Variants in KCNH5 observed in about 807,000 individuals in gnomAD.
KCNH5 encodes the protein potassium voltage-gated channel subfamily H member 5.
KCNH5 carries 46 observed loss-of-function variants against 96.1 expected under a neutral mutation model. The observed-to-expected ratio is 0.48, with a 90% CI of 0.38 to 0.61. KCNH5 has a LOEUF of 0.61. KCNH5 is among the 20% of genes least tolerant of loss of function. KCNH5 has a pLI of 0.00. For synonymous variants in KCNH5, 439 were observed against 449.8 expected (o/e 0.98, Z 0.30); for missense variants, 907 against 1,225.8 (o/e 0.74, Z 3.88).
intron 7 of KCNH5, among the ~76,000 whole-genome samples, chr14:62,892,338 G>C (rs1315318371): frequency 6.6e-6 from 1 of 152,298 alleles, no homozygotes; most frequent in Non-Finnish European, 1.5e-5. Flanking sequence ...CCAGAGCAAG[G>C]CTCTAACTCT....
At position 63,010,934 on chromosome 14, in the gene KCNH5, CAACA is replaced by C. The variant is rs1322104509; in HGVS notation, c.198-4466_198-4463del. The stretch of plus-strand genomic sequence containing the variant: ...GCAACGGTGTGTCTAGACTAAAATG[CAACA>C]AACATTCAGTCACCATAATACAGGG... On this transcript the variant is annotated intron_variant, in intron 2 of 10. Transcript: ENST00000322893. 4.6e-5 allele frequency among the ~76,000 whole-genome samples: 7 copies of C among 152,290 alleles called. No homozygotes were observed. The East Asian group carries it at 1.3e-3, about 29-fold the overall frequency.
intron 1 of KCNH5, among the ~76,000 whole-genome samples, chr14:63,037,969 C>G (rs746464282): frequency 3.3e-4 from 50 of 152,266 alleles, no homozygotes; most frequent in Admixed American, 2.3e-3. Context: ...CTCTTGACAA[C>G]TGAAACAAAA....
At chr14:62,907,886 G>A (rs1283189554) in intron 7 of KCNH5, among the ~76,000 whole-genome samples, 1 of 152,148 alleles carries the variant, frequency 6.6e-6, no homozygotes, top group Non-Finnish European at 1.5e-5. Flanking sequence ...AATAGTCGAT[G>A]TTCTCCTGCT....
chr14:62,808,301 A>T (rs2140005187), intron 8 of KCNH5, among the ~76,000 whole-genome samples: 1 of 152,266 alleles, frequency 6.6e-6, no homozygotes, highest in South Asian at 2.1e-4. Flanking sequence ...TGGAAGGTTT[A>T]TAAAAATTAA....
chr14:62,844,312 T>C (rs1887648470), intron 8 of KCNH5, among the ~76,000 whole-genome samples: 1 of 152,110 alleles, frequency 6.6e-6, no homozygotes. Flanking sequence ...CTGAAAAAAA[T>C]CCAGTATGAT....
chr14:63,032,282 C>T (rs1323158819), intron 1 of KCNH5, among the ~76,000 whole-genome samples: 3 of 152,028 alleles, frequency 2.0e-5, no homozygotes, highest in Non-Finnish European at 4.4e-5. Flanking sequence ...ACACACAGCT[C>T]TTCCAACAGA....
At chr14:62,713,983 T>C (rs967996338) in intron 10 of KCNH5, among the ~76,000 whole-genome samples, 1 of 152,204 alleles carries the variant, frequency 6.6e-6, no homozygotes, top group Admixed American at 6.5e-5. Context: ...GAATGTTTCC[T>C]TTTAAGAAGG....
At chr14:62,838,427 A>G (rs243146) in intron 8 of KCNH5, among the ~76,000 whole-genome samples, 47,314 of 152,012 alleles carry the variant, frequency 0.31, 8,538 homozygotes, top group South Asian at 0.58. Flanking sequence ...TGTTTCTCAT[A>G]AGCCCATCAT....
rs567551582 is a variant in KCNH5, at chr14:62,719,752, C to T, written c.2020-11297G>A. On this transcript the variant is annotated intron_variant, in intron 10 of 10. Transcript: ENST00000322893. ...TTGTTACAGGCACATACTCCTAAAT[C>T]AGGTTTTCAATCTTGTCTACCTATT... Among the ~76,000 whole-genome samples, 11 of 152,310 alleles carry T rather than the reference C, an allele frequency of 7.2e-5. No homozygotes were observed. The East Asian group carries it at 2.1e-3, about 29-fold the overall frequency.
chr14:62,823,358 A>C (rs1255687277), intron 8 of KCNH5, among the ~76,000 whole-genome samples: 1 of 152,146 alleles, frequency 6.6e-6, no homozygotes, highest in Non-Finnish European at 1.5e-5. Context: ...TAATTGAATC[A>C]GAAAGCTCAT....
intron 7 of KCNH5, among the ~76,000 whole-genome samples, chr14:62,867,752 C>G (rs889496071): frequency 1.3e-5 from 2 of 152,192 alleles, no homozygotes; most frequent in African/African-American, 4.8e-5. Flanking sequence ...TTCCTCCTCA[C>G]CAGGCACTGG....
rs1168163766 is a variant in KCNH5, at chr14:62,990,311, C to T, written c.434-3124G>A. The stretch of plus-strand genomic sequence containing the variant: ...CTTTCCATTTGAAGCATCATGAGCA[C>T]AGACTACAACTGTGTTTCTTAAGGA... On this transcript the variant is annotated intron_variant, in intron 4 of 10. Transcript: ENST00000322893. Among the ~76,000 whole-genome samples the T allele has an allele frequency of 3.3e-5, 5 of 152,072 alleles. No homozygotes were observed. The South Asian group carries it at 8.3e-4, about 25-fold the overall frequency.
chr14:62,888,311 C>T (rs2140082735), intron 7 of KCNH5, among the ~76,000 whole-genome samples: 1 of 152,312 alleles, frequency 6.6e-6, no homozygotes, highest in East Asian at 1.9e-4. Flanking sequence ...TAAAAGGTTA[C>T]TATGAAAGGA....
rs563941175 is a variant in KCNH5 at position 62,905,825 on chromosome 14, C to T, written c.1369+44308G>A. 7.9e-5 allele frequency among the ~76,000 whole-genome samples: 12 copies of T among 152,308 alleles called. No individual in the cohort carries two copies. The South Asian group carries it at 2.5e-3, about 32-fold the overall frequency. ...AGTGCTTTTAGATAGGCTTTCAACG[C>T]CATGATAAAAGAGCAACGTGTTCAG... On this transcript the variant is annotated intron_variant, in intron 7 of 10. Transcript: ENST00000322893.
At chr14:62,804,122 T>A (rs1166769649) in intron 8 of KCNH5, among the ~76,000 whole-genome samples, 1 of 152,106 alleles carries the variant, frequency 6.6e-6, no homozygotes, top group Non-Finnish European at 1.5e-5. Context: ...TTAATTAAAT[T>A]ATGCTTTCAG....
chr14:62,700,670 C>T lies in KCNH5; in HGVS notation c.*6838G>A, dbSNP rs921720071. 6.6e-6 allele frequency: 1 copy of T among 152,152 alleles called. No homozygotes were observed. Among genetic ancestry groups the T allele is most frequent in the Non-Finnish European group, 1.5e-5 (1 of 68,020 alleles). The allele number at this position is 152,152 out of a possible 1,614,324, so 9.4% of individuals were successfully genotyped here. ...ATATTAAATACTTAGGACTATCAAA[C>T]ACTGTAACATGGAATTATAAATGAA... is the stretch of plus-strand genomic sequence containing the variant. On this transcript the variant is annotated 3_prime_UTR_variant, in exon 11 of 11. Transcript: ENST00000322893.
At chr14:62,967,337 C>T (rs1301955990) in intron 6 of KCNH5, among the ~76,000 whole-genome samples, 1 of 152,046 alleles carries the variant, frequency 6.6e-6, no homozygotes, top group African/African-American at 2.4e-5. Flanking sequence ...CTTCCTCTGC[C>T]TCCCTGAGTG....
At chr14:62,756,717 T>A (rs894131308) in intron 10 of KCNH5, among the ~76,000 whole-genome samples, 11 of 152,236 alleles carry the variant, frequency 7.2e-5, no homozygotes, top group African/African-American at 2.2e-4. Context: ...GTCTCTTCAA[T>A]AAATTGTGCT....
chr14:63,007,312 A>G (rs1891145002), intron 2 of KCNH5, among the ~76,000 whole-genome samples: 1 of 152,196 alleles, frequency 6.6e-6, no homozygotes, highest in African/African-American at 2.4e-5. Flanking sequence ...AAAATATTTG[A>G]AATTAATTCT....
Sources: gnomAD v4.1 joint callset for allele counts (sites outside exome capture counted in the v4.1 genomes callset) on GRCh38, gnomAD v4.1.1 for gene constraint, MANE v1.5 for transcripts, NCBI Gene and HGNC (gene_info 2026-07-23, HGNC 2026-07-21) for gene names.